RGPD2: variants seen among roughly 807,000 people sequenced by gnomAD.
RGPD2 encodes the protein RANBP2 like and GRIP domain containing 2, also known as RANBP2-like and GRIP domain-containing protein 2.
A neutral mutation model predicts 36.0 loss-of-function variants in RGPD2; 2 were observed. The ratio of observed to expected loss-of-function variants is 0.06; its 90% CI spans 0.02 to 0.17. The LOEUF (loss-of-function observed/expected upper bound fraction) is 0.17. Ranked by LOEUF, RGPD2 falls within the 10% of genes least tolerant of loss-of-function variation. RGPD2 has a pLI of 1.00. For missense variants in RGPD2, 40 were observed against 464.3 expected (o/e 0.09, Z 8.40); for synonymous variants, 19 against 163.8 (o/e 0.12, Z 6.75).
chr2:87,937,714 G>C, the RGPD2 span, among the ~76,000 whole-genome samples: 3 of 152,068 alleles, frequency 2.0e-5, no homozygotes, highest in Admixed American at 2.0e-4. Flanking sequence ...ATTTGGAGGG[G>C]ACAAACGTCC....
At chr2:87,870,366 T>G in the RGPD2 span, among the ~76,000 whole-genome samples, 1 of 152,234 alleles carries the variant, frequency 6.6e-6, no homozygotes, top group African/African-American at 2.4e-5. Flanking sequence ...AAGCCAAGAT[T>G]TACCTTGCCC....
At chr2:87,987,983 C>T in the RGPD2 span, among the ~76,000 whole-genome samples, 36 of 149,564 alleles carry the variant, frequency 2.4e-4, no homozygotes, top group South Asian at 6.4e-4. Flanking sequence ...CTTGTGATTA[C>T]GAAATACCTT....
At chr2:87,916,666 C>T in the RGPD2 span, among the ~76,000 whole-genome samples, 37,829 of 151,626 alleles carry the variant, frequency 0.25, 5,243 homozygotes, top group Non-Finnish European at 0.3. Flanking sequence ...TCTCCTGCTC[C>T]AGTCACGCGA....
At chr2:87,824,643 T>C (rs1380283852) in intron 1 of RGPD2, among the ~76,000 whole-genome samples, 1 of 150,372 alleles carries the variant, frequency 6.7e-6, no homozygotes, top group Non-Finnish European at 1.5e-5. Flanking sequence ...CCCCAGGTTC[T>C]AATGTAAATG....
chr2:87,826,344 ATATT>A (rs1173600529), upstream of RGPD2, among the ~76,000 whole-genome samples: 5 of 127,072 alleles, frequency 3.9e-5, no homozygotes, highest in African/African-American at 1.2e-4. Context: ...ATATTTTCAT[ATATT>A]TATTTAGTCT....
At chr2:87,857,098 A>G in the RGPD2 span, among the ~76,000 whole-genome samples, 1 of 152,272 alleles carries the variant, frequency 6.6e-6, no homozygotes, top group Non-Finnish European at 1.5e-5. Context: ...TAAGGCCAAA[A>G]CAGAAGAATG....
the RGPD2 span, among the ~76,000 whole-genome samples, chr2:87,834,537 G>T: frequency 6.6e-6 from 1 of 152,036 alleles, no homozygotes; most frequent in Non-Finnish European, 1.5e-5. Context: ...AGAAAAAATA[G>T]ATTTTTTGCT....
At chr2:87,885,607 A>G in the RGPD2 span, among the ~76,000 whole-genome samples, 2 of 149,846 alleles carry the variant, frequency 1.3e-5, no homozygotes, top group African/African-American at 4.9e-5. Flanking sequence ...CAGCAATGAC[A>G]TGATTTTAAA....
the RGPD2 span, among the ~76,000 whole-genome samples, chr2:87,971,321 G>T: frequency 9.1e-6 from 1 of 109,768 alleles, no homozygotes; most frequent in East Asian, 2.4e-4. Flanking sequence ...GATAGGCTGT[G>T]GTTCTCACTC....
intron 22 of RGPD2, among the ~76,000 whole-genome samples, chr2:87,763,251 G>T (rs1421690307): frequency 6.8e-6 from 1 of 146,038 alleles, no homozygotes; most frequent in East Asian, 2.1e-4. Flanking sequence ...TCCGCCTCCC[G>T]GGTTCGCGCC....
the RGPD2 span, among the ~76,000 whole-genome samples, chr2:87,887,130 TG>T: frequency 6.6e-6 from 1 of 151,676 alleles, no homozygotes; most frequent in Non-Finnish European, 1.5e-5. Flanking sequence ...TTTAAAAAAA[TG>T]TTAGTTTTCC....
At chr2:87,825,055 A>G in intron 1 of RGPD2, 2 of 371,942 alleles carry the variant, frequency 5.4e-6, no homozygotes, top group Non-Finnish European at 9.5e-6. Context: ...TACCCCCCTC[A>G]CCAAAGCCCA....
chr2:87,769,751 A>G, intron 22 of RGPD2, among the ~76,000 whole-genome samples: 1 of 151,068 alleles, frequency 6.6e-6, no homozygotes, highest in Non-Finnish European at 1.5e-5. Flanking sequence ...ATAACTATAA[A>G]ATTAGTTATA....
At chr2:87,911,421 T>C in the RGPD2 span, among the ~76,000 whole-genome samples, 1,671 of 150,350 alleles carry the variant, frequency 0.011, 20 homozygotes, top group African/African-American at 0.038. Context: ...CAAAAATGCA[T>C]GTACCGGTTT....
the RGPD2 span, among the ~76,000 whole-genome samples, chr2:87,888,338 G>C: frequency 6.6e-6 from 1 of 150,890 alleles, no homozygotes; most frequent in Admixed American, 6.6e-5. Flanking sequence ...ATCATTATTT[G>C]TTAATTTTCA....
At chr2:87,871,724 G>A in the RGPD2 span, among the ~76,000 whole-genome samples, 1 of 151,718 alleles carries the variant, frequency 6.6e-6, no homozygotes, top group Non-Finnish European at 1.5e-5. Flanking sequence ...AATTAGCCGG[G>A]CGTGGTGGTG....
At chr2:87,874,107 T>C in the RGPD2 span, among the ~76,000 whole-genome samples, 1 of 147,638 alleles carries the variant, frequency 6.8e-6, no homozygotes, top group Non-Finnish European at 1.5e-5. Flanking sequence ...CCCTAGACCC[T>C]GGATACTAGA....
At chr2:87,824,786 G>GCCGCCGCCGCCGCCGCCGCCGCCCGGCC (rs1229101526) in intron 1 of RGPD2, among the ~76,000 whole-genome samples, 27 of 16,478 alleles carry the variant, frequency 1.6e-3, no homozygotes, top group African/African-American at 8.3e-3. Context: ...GGCCGAGGCC[G>GCCGCCGCCGCCGCCGCCGCCGCCCGGCC]AGGCCGAGGC....
At chr2:87,824,713 A>C (rs1285651514) in intron 1 of RGPD2, among the ~76,000 whole-genome samples, 1,103 of 70,792 alleles carry the variant, frequency 0.016, 10 homozygotes, top group Non-Finnish European at 0.023. Context: ...GCCGAGGCCG[A>C]GGCCGCCGCC....
Sources: allele counts gnomAD v4.1 joint callset (sites outside exome capture counted in the v4.1 genomes callset), GRCh38; gene constraint gnomAD v4.1.1; transcripts MANE v1.5; gene names NCBI Gene and HGNC (gene_info 2026-07-23, HGNC 2026-07-21).